SLC26A1: variants seen among roughly 807,000 people sequenced by gnomAD.
SLC26A1 encodes the protein sulfate anion transporter 1.
In SLC26A1, 18 loss-of-function variants were observed where a neutral mutation model predicts 14.5. That is an observed-to-expected ratio of 1.24 (90% CI 0.86 to 1.84). The LOEUF (loss-of-function observed/expected upper bound fraction) is 1.84, where lower values mean the gene tolerates loss of function less well. Ranked by LOEUF, SLC26A1 falls within the 40% of genes most tolerant of loss-of-function variation. The probability of loss-of-function intolerance (pLI) is 0.00; values close to 1 mark genes in which losing one functional copy is unlikely to be tolerated. For synonymous variants in SLC26A1, 505 were observed against 492.0 expected, an observed-to-expected ratio of 1.03 and a Z score of -0.35; for missense variants, 1,049 against 1,020.0, an observed-to-expected ratio of 1.03 and a Z score of -0.39.
At chr4:991,778 C>G (rs777161361) in intron 1 of SLC26A1, 48 bp from the exon 2 acceptor site, 39 of 1,528,184 alleles carry the variant, frequency 2.6e-5, no homozygotes, top group Middle Eastern at 1.7e-4. Context: ...GGATCCAGGG[C>G]CAAACGACAA....
chr4:991,289 G>C lies in SLC26A1; in HGVS notation c.415C>G (p.Arg139Gly), dbSNP rs552862956. The change falls in exon 2 of 3, where the codon CGG becomes GGG. Residue 139 changes from arginine (R) to glycine (G), a missense_variant. By Grantham distance (125) the Arg-to-Gly change is moderately radical (BLOSUM62 -2). Coordinates refer to ENST00000398516, the MANE Select transcript of SLC26A1 (RefSeq NM_022042.4). Reference sequence around the variant, plus strand: ...TCAAAGCCGGCCAGCTGGAGCTCCCGGTCCACCACCTGCCCCACCATGAGG... The same window carrying C: ...TCAAAGCCGGCCAGCTGGAGCTCCCCGTCCACCACCTGCCCCACCATGAGG... ...LCLMVGQVVD[R>G]ELQLAGFDPS... is the part of the protein sequence containing the mutation. 6.2e-7 allele frequency: 1 copy of C among 1,612,676 alleles called. No individual in the cohort carries two copies.
downstream of SLC26A1, chr4:986,888 C>A (rs748760505): frequency 7.5e-6 from 5 of 663,514 alleles, no homozygotes; most frequent in East Asian, 9.2e-5. Context: ...CGCAAGGAAG[C>A]GGGGCTCCAA....
At chr4:987,632 C>T (rs1577508180), downstream of SLC26A1, 5 of 1,445,876 alleles carry the variant, frequency 3.5e-6, no homozygotes, top group African/African-American at 1.4e-5. Context: ...GCTGCCGTTC[C>T]CCATGAAGAT....
chr4:989,601 G>A lies in SLC26A1; in HGVS notation c.1338C>T (p.Ile446=), dbSNP rs376019852. The A allele has an allele frequency of 5.0e-6, 8 of 1,601,940 alleles. No homozygotes were observed. Among genetic ancestry groups the A allele is most frequent in the Admixed American group, 1.7e-5 (1 of 58,598 alleles). Residue 446 remains isoleucine, a synonymous_variant, in exon 3 of 3, where the codon ATC becomes ATT. Coordinates refer to ENST00000398516, the MANE Select transcript of SLC26A1 (RefSeq NM_022042.4). ...DLQRSVLACV[I]VVSLRGALRK... The stretch of plus-strand genomic sequence containing the variant: ...GCAGGGCCCCCCGCAGGCTGACCAC[G>A]ATGACGCAGGCCAGCACGCTTCGCT...
At position 989,555 on chromosome 4, in the gene SLC26A1, G is replaced by A. The variant is rs933082796; in HGVS notation, c.1384C>T (p.Arg462Trp). Residue 462 changes from arginine (R) to tryptophan (W), a missense_variant, in exon 3 of 3, where the codon CGG (arginine) becomes TGG (tryptophan). Transcript: ENST00000398516. Reference protein sequence around the residue: ...GALRKVWDLPRLWRMSPADAL... With the variant: ...GALRKVWDLPWLWRMSPADAL... ...TCAGCCGGGCTCATCCGCCACAGCC[G>A]CGGGAGGTCCCACACCTTGCGCAGG... 1.8e-5 allele frequency: 28 copies of A among 1,578,498 alleles called. No homozygotes were observed. The highest frequency in any genetic ancestry group is 6.7e-5 in the African/African-American group (5 of 74,374).
chr4:991,634 G>A lies in SLC26A1; in HGVS notation c.70C>T (p.Pro24Ser), dbSNP rs778224735. ...TTCAGCATCTCACGCAGACCCCGGG[G>A]TGCTGGGCGCTGCCGTCGGACCGGC... ...PVPVRRQRPA[P>S]RGLREMLKAR... Residue 24 changes from proline (P) to serine (S), a missense_variant, in exon 2 of 3, where the codon CCC becomes TCC. By Grantham distance (74) the Pro-to-Ser change is moderately conservative (BLOSUM62 -1). Transcript: ENST00000398516. 2 of 1,568,480 alleles carry A rather than the reference G, an allele frequency of 1.3e-6. No individual in the cohort carries two copies. Among genetic ancestry groups the A allele is most frequent in the African/African-American group, 1.3e-5 (1 of 74,350 alleles).
intron 2 of SLC26A1, among the ~76,000 whole-genome samples, chr4:980,975 C>T (rs1010667525): frequency 6.6e-6 from 1 of 152,164 alleles, no homozygotes; most frequent in African/African-American, 2.4e-5. Context: ...TTCACAATCT[C>T]GAGGCTGCCA....
chr4:989,240 C>G lies in SLC26A1; in HGVS notation c.1699G>C (p.Gly567Arg), dbSNP rs760982748. The change falls in exon 3 of 3, where the codon GGG becomes CGG. Residue 567 changes from glycine (G) to arginine (R), a missense_variant. Transcript: ENST00000398516. ...TCCTTCCTCCTGGCAGCCATGCACC[C>G]TGCGTCCAGCCCCGTGAGGCTGTAG... ...SLYSLTGLDAGCMAARRKEGG... is the reference protein window; with the variant it reads ...SLYSLTGLDARCMAARRKEGG... 8.1e-6 allele frequency: 13 copies of G among 1,612,426 alleles called. 1 individual carries two copies. In the South Asian group the frequency reaches 1.4e-4, roughly 18 times the overall value.
downstream of SLC26A1, among the ~76,000 whole-genome samples, chr4:983,632 G>T (rs1455267090): frequency 6.6e-6 from 1 of 152,168 alleles, no homozygotes; most frequent in East Asian, 1.9e-4. Context: ...GGTTTCCCCT[G>T]CGCCTTTAGG....
At chr4:990,394 G>A (rs185729198) in intron 2 of SLC26A1, 32 bp from the exon 3 acceptor site, 139 of 1,541,190 alleles carry the variant, frequency 9.0e-5, no homozygotes, top group East Asian at 1.4e-4. Context: ...GCCAGCAGGC[G>A]CCTGGCGGGA....
chr4:988,340 G>C lies in SLC26A1; in HGVS notation c.*493C>G. The C allele has an allele frequency of 9.2e-7, 1 of 1,090,008 alleles. No homozygotes were observed. Among genetic ancestry groups the C allele is most frequent in the Non-Finnish European group, 1.1e-6 (1 of 894,816 alleles). The allele number at this position is 1,090,008 out of a possible 1,614,324, so 67.5% of individuals were successfully genotyped here. A position where few individuals can be genotyped will look rare whatever the true frequency, so the allele number is the denominator to read the frequency against. Reference sequence around the variant, plus strand: ...GGTGCAGGTGGCCACCCTGTGAGGGGGAGGCACGAGGTGTGAGGGGCACTT... The same window carrying C: ...GGTGCAGGTGGCCACCCTGTGAGGGCGAGGCACGAGGTGTGAGGGGCACTT... On this transcript the variant is annotated 3_prime_UTR_variant, in exon 3 of 3. Transcript: ENST00000398516.
chr4:983,015 C>T (rs757862943), downstream of SLC26A1, among the ~76,000 whole-genome samples: 10 of 152,246 alleles, frequency 6.6e-5, no homozygotes, highest in Non-Finnish European at 1.5e-4. Flanking sequence ...AGGCGACAGG[C>T]GCGGGCCTGG....
chr4:985,546 G>A (rs1713684708), downstream of SLC26A1, among the ~76,000 whole-genome samples: 3 of 152,194 alleles, frequency 2.0e-5, no homozygotes. Flanking sequence ...TTTAAAGCGA[G>A]TTATCCATCA....
downstream of SLC26A1, chr4:987,524 C>T: frequency 1.1e-6 from 1 of 950,802 alleles, no homozygotes; most frequent in Non-Finnish European, 1.5e-6. Flanking sequence ...GCAGCGGGAC[C>T]TGGCCTGCCT....
At chr4:980,158 G>A (rs532694492) in intron 2 of SLC26A1, among the ~76,000 whole-genome samples, 3 of 152,208 alleles carry the variant, frequency 2.0e-5, no homozygotes, top group Non-Finnish European at 4.4e-5. Context: ...GCAGCCCCTG[G>A]TCGGCCAGGA....
In SLC26A1 at chr4:990,368, G is replaced by C; in HGVS notation, c.577-6C>G. On this transcript the variant is annotated splice_region_variant and splice_polypyrimidine_tract_variant and intron_variant, in intron 2 of 2. Coordinates refer to ENST00000398516, the MANE Select transcript of SLC26A1 (RefSeq NM_022042.4). ...CGGAGGACGCCCATGAGGACCTGTG[G>C]ACGGAGTGCGGTCAGGCCAGCAGGC... The C allele has an allele frequency of 6.3e-7, 1 of 1,587,720 alleles. No individual in the cohort carries two copies. The highest frequency in any genetic ancestry group is 8.6e-7 in the Non-Finnish European group (1 of 1,167,400).
rs151180930 is a variant in SLC26A1 at position 991,149 on chromosome 4, C to A, written c.555G>T (p.Thr185=). 6.4e-7 allele frequency: 1 copy of A among 1,552,046 alleles called. No homozygotes were observed. The highest frequency in any genetic ancestry group is 1.2e-5 in the South Asian group (1 of 81,124). The change falls in exon 2 of 3, where the codon ACG becomes ACT. Residue 185 remains threonine, a synonymous_variant. Coordinates refer to ENST00000398516, the MANE Select transcript of SLC26A1 (RefSeq NM_022042.4). ...CYAIRVATAL[T]LMTGLYQVLM... is the part of the protein sequence containing the mutation. ...TCACCTGGTAAAGCCCGGTCATCAG[C>A]GTGAGGGCGGTGGCGACACGGATGG...
rs1160000258 is a variant in SLC26A1, at chr4:990,167, G to C, written c.772C>G (p.Gln258Glu). ...GTGACCACGTCGCACACGTTGGCCT[G>C]CCCGGCGCCGCGCAGCAGGCTCAGC... is the stretch of plus-strand genomic sequence containing the variant. ...TWLSLLRGAG[Q>E]ANVCDVVTST... Residue 258 changes from glutamine (Q) to glutamate (E), a missense_variant, in exon 3 of 3, where the codon CAG (glutamine) becomes GAG (glutamate). Physicochemically the swap from Gln to Glu is conservative, Grantham distance 29. Coordinates refer to ENST00000398516, the MANE Select transcript of SLC26A1 (RefSeq NM_022042.4). 1 of 1,560,402 alleles carries C rather than the reference G, an allele frequency of 6.4e-7. No homozygotes were observed.
Position 989,581 on chromosome 4 carries a change from G to GC in SLC26A1, c.1357dup (p.Ala453GlyfsTer18), listed in dbSNP as rs768949918. 5 of 1,596,774 alleles carry GC rather than the reference G, an allele frequency of 3.1e-6. No individual in the cohort carries two copies. Among genetic ancestry groups the GC allele is most frequent in the Admixed American group, 1.7e-5 (1 of 57,816 alleles). On this transcript the variant is annotated frameshift_variant, in exon 3 of 3. Coordinates refer to ENST00000398516, the MANE Select transcript of SLC26A1 (RefSeq NM_022042.4). LOFTEE classifies it low-confidence loss of function (END_TRUNC). ...CGGGAGGTCCCACACCTTGCGCAGG[G>GC]CCCCCCGCAGGCTGACCACGATGAC...
Sources: gnomAD v4.1 joint callset for allele counts (sites outside exome capture counted in the v4.1 genomes callset) on GRCh38, gnomAD v4.1.1 for gene constraint, MANE v1.5 for transcripts, NCBI Gene and HGNC (gene_info 2026-07-23, HGNC 2026-07-21) for gene names.